The following ACSM3 variants were observed in gnomAD, a reference collection of about 807,000 sequenced individuals.
ACSM3 encodes the protein acyl-coenzyme A synthetase ACSM3, mitochondrial.
ACSM3 carries 61 observed loss-of-function variants against 74.1 expected under a neutral mutation model. That is an observed-to-expected ratio of 0.82 (90% CI 0.67 to 1.02). The LOEUF is 1.02. Ranked by LOEUF, ACSM3 falls within the 50% of genes least tolerant of loss-of-function variation. The pLI is 0.00. For missense variants in ACSM3, 660 were observed against 697.0 expected, an observed-to-expected ratio of 0.95 and a Z score of 0.60; for synonymous variants, 213 against 241.5, an observed-to-expected ratio of 0.88 and a Z score of 1.09.
chr16:20,775,982 T>C lies in ACSM3; in HGVS notation c.363T>C (p.Asp121=). 1 of 1,614,120 alleles carries C rather than the reference T, an allele frequency of 6.2e-7. No homozygotes were observed. ...AAGCCTGTTCCCTACAAAGAGGAGA[T>C]CGGGTAATTCTGATTCTGCCCAGGG... ...LSEACSLQRG[D]RVILILPRVP... The change falls in exon 3 of 14, where the codon GAT becomes GAC. Residue 121 remains aspartate, a synonymous_variant. Transcript: ENST00000289416.
intron 12 of ACSM3, 195 bp downstream of exon 12, chr16:20,792,530 C>T: frequency 2.0e-6 from 2 of 985,360 alleles, no homozygotes; most frequent in Non-Finnish European, 2.4e-6. Context: ...TCCTAACAGA[C>T]AAACAAAATA....
upstream of ACSM3, among the ~76,000 whole-genome samples, chr16:20,760,761 C>T (rs1232582791): frequency 6.6e-6 from 1 of 151,912 alleles, no homozygotes; most frequent in Non-Finnish European, 1.5e-5. Flanking sequence ...TTTCTGTTAC[C>T]ACTACTATTA....
At chr16:20,775,223 A>G (rs574037962) in intron 2 of ACSM3, among the ~76,000 whole-genome samples, 2 of 152,284 alleles carry the variant, frequency 1.3e-5, no homozygotes, top group Admixed American at 6.5e-5. Context: ...GTAGTATGGT[A>G]GTAGCTCTGT....
chr16:20,738,960 T>C, intron 1 of ACSM3: 1 of 1,614,226 alleles, frequency 6.2e-7, no homozygotes, highest in Non-Finnish European at 8.5e-7. Flanking sequence ...TGGAATCTTC[T>C]TAACCTCATC....
Position 20,775,923 on chromosome 16 carries a change from T to C in ACSM3, c.304T>C (p.Ser102Pro). 6.2e-7 allele frequency: 1 copy of C among 1,614,200 alleles called. No individual in the cohort carries two copies. Among genetic ancestry groups the C allele is most frequent in the Non-Finnish European group, 8.5e-7 (1 of 1,180,036 alleles). ...GCGATGGAGTTTTGAGGAACTGGGATCTCTGTCCAGAAAATTTGCCAATAT... is the reference window on the plus strand; with the variant it reads ...GCGATGGAGTTTTGAGGAACTGGGACCTCTGTCCAGAAAATTTGCCAATAT... The part of the protein sequence containing the change: ...EMRWSFEELG[S>P]LSRKFANILS... The change falls in exon 3 of 14, where the codon TCT becomes CCT. Residue 102 changes from serine to proline, a missense_variant. By Grantham distance (74) the Ser-to-Pro change is moderately conservative. Coordinates refer to ENST00000289416, the MANE Select transcript of ACSM3 (RefSeq NM_005622.4).
At chr16:20,683,191 C>A (rs2079481398) in intron 1 of ACSM3, among the ~76,000 whole-genome samples, 1 of 151,946 alleles carries the variant, frequency 6.6e-6, no homozygotes, top group South Asian at 2.1e-4. Context: ...GATCTGAGCT[C>A]ACTGCAACCT....
intron 1 of ACSM3, chr16:20,741,902 A>G (rs2079930587): frequency 5.2e-6 from 8 of 1,534,478 alleles, no homozygotes; most frequent in Non-Finnish European, 7.0e-6. Context: ...CCGGTCTGCA[A>G]TCGTGAAAGG....
intron 1 of ACSM3, chr16:20,737,083 C>T (rs1202915691): frequency 6.2e-7 from 1 of 1,614,072 alleles, no homozygotes; most frequent in Non-Finnish European, 8.5e-7. Flanking sequence ...TCCAGTTTAG[C>T]TTCTTTCCCA....
At chr16:20,736,864 A>G in intron 1 of ACSM3, 1 of 1,610,322 alleles carries the variant, frequency 6.2e-7, no homozygotes. Flanking sequence ...ACCCACCTCC[A>G]ACACCAAATG....
At chr16:20,685,819 C>CAAAAAAAAAAAAAAAA (rs71842093) in intron 1 of ACSM3, among the ~76,000 whole-genome samples, 2 of 50,186 alleles carry the variant, frequency 4.0e-5, no homozygotes, top group Non-Finnish European at 6.5e-5. Flanking sequence ...GACTCCGTCT[C>CAAAAAAAAAAAAAAAA]AAAAAAAAAA....
chr16:20,759,318 G>A (rs12921597), upstream of ACSM3, among the ~76,000 whole-genome samples: 11,134 of 152,274 alleles, frequency 0.073, 528 homozygotes, highest in East Asian at 0.21. Flanking sequence ...AGCACTTTGG[G>A]AGGCTGAGGT....
At chr16:20,787,597 G>A (rs1027412392) in intron 9 of ACSM3, among the ~76,000 whole-genome samples, 2 of 152,198 alleles carry the variant, frequency 1.3e-5, no homozygotes, top group Admixed American at 6.5e-5. Context: ...GTAGTTTTTA[G>A]GATCAAATAA....
At chr16:20,728,308 T>C in intron 1 of ACSM3, 1 of 652,224 alleles carries the variant, frequency 1.5e-6, no homozygotes, top group Non-Finnish European at 2.6e-6. Context: ...TTTCTGCTAT[T>C]CACTGTACAA....
intron 4 of ACSM3, chr16:20,780,470 G>A (rs2080328080): frequency 1.4e-6 from 1 of 713,024 alleles, no homozygotes; most frequent in Non-Finnish European, 2.2e-6. Flanking sequence ...CTTTATCATA[G>A]AATAAAAAGC....
At chr16:20,748,642 G>T (rs1411831099) in intron 1 of ACSM3, among the ~76,000 whole-genome samples, 3 of 152,208 alleles carry the variant, frequency 2.0e-5, no homozygotes, top group Non-Finnish European at 4.4e-5. Flanking sequence ...TACCAAAAAA[G>T]TTGAGGTTGA....
chr16:20,724,882 G>A (rs1429698469), intron 1 of ACSM3, among the ~76,000 whole-genome samples: 1 of 152,076 alleles, frequency 6.6e-6, no homozygotes, highest in African/African-American at 2.4e-5. Context: ...AAATAAAAGA[G>A]GATACAAACA....
rs745397760 is a variant in ACSM3 at position 20,780,686 on chromosome 16, T to A, written c.639-28T>A. ...ACAGTCTGTGATGCTGTGTTTAACA[T>A]GCAGTCATTGTAGTTTTTCCTTTGC... On this transcript the variant is annotated intron_variant, in intron 4 of 13. Transcript: ENST00000289416. 4.3e-6 allele frequency: 7 copies of A among 1,614,218 alleles called. No individual in the cohort carries two copies. In the Admixed American group the frequency reaches 1.0e-4, roughly 23 times the overall value.
At chr16:20,796,311 C>A in intron 12 of ACSM3, 59 bp from the exon 13 acceptor site, 2 of 1,580,236 alleles carry the variant, frequency 1.3e-6, no homozygotes, top group South Asian at 1.2e-5. Flanking sequence ...GCAAACAAGA[C>A]ATACTAAAAC....
intron 1 of ACSM3, among the ~76,000 whole-genome samples, chr16:20,688,656 GA>G (rs2079597417): frequency 6.6e-6 from 1 of 151,936 alleles, no homozygotes; most frequent in Non-Finnish European, 1.5e-5. Context: ...AGCCAACCAA[GA>G]ATTTTACATC....
Sources: gnomAD v4.1 joint callset for allele counts (sites outside exome capture counted in the v4.1 genomes callset) on GRCh38, gnomAD v4.1.1 for gene constraint, MANE v1.5 for transcripts, NCBI Gene and HGNC (gene_info 2026-07-23, HGNC 2026-07-21) for gene names.